ALDH6A1: variants seen among roughly 807,000 people sequenced by gnomAD.
The protein encoded by ALDH6A1 is aldehyde dehydrogenase 6 family member A1.
In ALDH6A1, 43 loss-of-function variants were observed where a neutral mutation model predicts 62.6. That is an observed-to-expected ratio of 0.69 (90% CI 0.54 to 0.89). The LOEUF (loss-of-function observed/expected upper bound fraction) is 0.89, where lower values mean the gene tolerates loss of function less well. Among genes scored for constraint, ALDH6A1 ranks in the 40% least tolerant of loss-of-function variants. ALDH6A1 has a pLI of 0.00. For missense variants in ALDH6A1, 551 were observed against 661.3 expected (o/e 0.83, Z 1.83); for synonymous variants, 194 against 234.2 (o/e 0.83, Z 1.57).
intron 2 of ALDH6A1, 41 bp downstream of exon 2, chr14:74,074,914 A>C: frequency 6.3e-7 from 1 of 1,589,892 alleles, no homozygotes; most frequent in Non-Finnish European, 8.6e-7. Flanking sequence ...ACTATACTGA[A>C]TTCCTTCTCA....
At chr14:74,064,383 A>T (rs1465860785) in intron 11 of ALDH6A1, among the ~76,000 whole-genome samples, 1 of 152,162 alleles carries the variant, frequency 6.6e-6, no homozygotes, top group Non-Finnish European at 1.5e-5. Flanking sequence ...TAAATGAATA[A>T]CTATTACAGA....
At chr14:74,084,300 G>A in intron 1 of ALDH6A1, 47 bp downstream of exon 1, 1 of 1,613,152 alleles carries the variant, frequency 6.2e-7, no homozygotes, top group Non-Finnish European at 8.5e-7. Flanking sequence ...CGGACGGAAA[G>A]GATCCAATTC....
At chr14:74,074,681 A>C (rs1026897879) in intron 2 of ALDH6A1, among the ~76,000 whole-genome samples, 1 of 152,196 alleles carries the variant, frequency 6.6e-6, no homozygotes, top group Admixed American at 6.6e-5. Flanking sequence ...AGATGCTGGA[A>C]GTGGTTGACA....
At chr14:74,074,532 G>A (rs1388804607) in intron 2 of ALDH6A1, among the ~76,000 whole-genome samples, 1 of 152,066 alleles carries the variant, frequency 6.6e-6, no homozygotes, top group Non-Finnish European at 1.5e-5. Flanking sequence ...TGATCCACCT[G>A]CCTCAGCCTC....
chr14:74,072,253 T>C lies in ALDH6A1; in HGVS notation c.298A>G (p.Ser100Gly), dbSNP rs779765203. ...FPAWADTSVLSRQQVLLRYQQ... is the reference protein window; with the variant it reads ...FPAWADTSVLGRQQVLLRYQQ... ...TAGCGGAGCAAGACCTGCTGGCGGCTTAATACTGAAGTGTCTGCCCATGCA... is the reference window on the plus strand; with the variant it reads ...TAGCGGAGCAAGACCTGCTGGCGGCCTAATACTGAAGTGTCTGCCCATGCA... The change falls in exon 4 of 12, where the codon AGC becomes GGC. Residue 100 changes from serine to glycine, a missense_variant. Transcript: ENST00000553458. 2 of 1,614,118 alleles carry C rather than the reference T, an allele frequency of 1.2e-6. No individual in the cohort carries two copies. Among genetic ancestry groups the C allele is most frequent in the African/African-American group, 2.7e-5 (2 of 74,938 alleles).
intron 6 of ALDH6A1, among the ~76,000 whole-genome samples, chr14:74,070,529 A>C (rs2060535122): frequency 6.6e-6 from 1 of 152,194 alleles, no homozygotes; most frequent in Non-Finnish European, 1.5e-5. Flanking sequence ...AAAAAAAAGA[A>C]TAACAATATT....
At chr14:74,069,951 A>G (rs1168952024) in intron 6 of ALDH6A1, among the ~76,000 whole-genome samples, 1 of 149,322 alleles carries the variant, frequency 6.7e-6, no homozygotes, top group Non-Finnish European at 1.5e-5. Flanking sequence ...TGCCAGGCTC[A>G]AGCTGTCTTC....
chr14:74,067,308 G>A (rs2060482252), intron 8 of ALDH6A1, 72 bp downstream of exon 8: 11 of 1,547,772 alleles, frequency 7.1e-6, no homozygotes, highest in Non-Finnish European at 9.8e-6. Flanking sequence ...ACTGGCCAAG[G>A]CCAGTGACAG....
Position 74,066,862 on chromosome 14 carries a change from C to T in ALDH6A1, c.1067G>A (p.Gly356Asp), listed in dbSNP as rs755705622. The T allele has an allele frequency of 1.2e-6, 2 of 1,613,830 alleles. No homozygotes were observed. The highest frequency in any genetic ancestry group is 2.7e-5 in the African/African-American group (2 of 74,870). ...NAGDQPGADLGPLITPQAKER... is the reference protein window; with the variant it reads ...NAGDQPGADLDPLITPQAKER... ...TTTGGCCTGGGGAGTGATCAGAGGG[C>T]CAAGATCAGCTCCAGGCTGATCTCC... Residue 356 changes from glycine (G) to aspartate (D), a missense_variant, in exon 9 of 12, where the codon GGC becomes GAC. Transcript: ENST00000553458.
At position 74,084,406 on chromosome 14, in the gene ALDH6A1, G is replaced by T. The variant is rs1192467223; in HGVS notation, c.-12C>A. On this transcript the variant is annotated 5_prime_UTR_variant, in exon 1 of 12. Coordinates refer to ENST00000553458, the MANE Select transcript of ALDH6A1 (RefSeq NM_005589.4). ...AATAGCGCCGCCATGGCTCTCGGCC[G>T]CCCTAGCTCCGCACCCCGCGCCTCT... 1.9e-6 allele frequency: 3 copies of T among 1,612,720 alleles called. No individual in the cohort carries two copies. In the South Asian group the frequency reaches 3.3e-5, roughly 18 times the overall value.
rs773289178 is a variant in ALDH6A1 at position 74,056,996 on chromosome 14, C to A, written c.*3646G>T. The A allele has an allele frequency of 3.8e-5, 61 of 1,606,410 alleles. No individual in the cohort carries two copies. In the Admixed American group the frequency reaches 1.0e-3, roughly 27 times the overall value. ...AGGAATTTGGGTAAGAGCTCTCTTG[C>A]TTAAGTAATAAACATGAGCCCAACA... On this transcript the variant is annotated 3_prime_UTR_variant, in exon 12 of 12. Transcript: ENST00000553458.
At chr14:74,084,221 C>G in intron 1 of ALDH6A1, 126 bp downstream of exon 1, 1 of 1,399,028 alleles carries the variant, frequency 7.1e-7, no homozygotes, top group Non-Finnish European at 9.9e-7. Flanking sequence ...CCGCACAGGT[C>G]GGGTAGGAGG....
rs754268587 is a variant in ALDH6A1 at position 74,057,426 on chromosome 14, G to A, written c.*3216C>T. 132 of 1,511,502 alleles carry A rather than the reference G, an allele frequency of 8.7e-5. No homozygotes were observed. Among genetic ancestry groups the A allele is most frequent in the Non-Finnish European group, 1.1e-4 (123 of 1,133,084 alleles). The allele number at this position is 1,511,502 out of a possible 1,614,324, so 93.6% of individuals were successfully genotyped here. On this transcript the variant is annotated 3_prime_UTR_variant, in exon 12 of 12. Transcript: ENST00000553458. Reference sequence around the variant, plus strand: ...TACATAAATTTTTAAAGCAATATCCGTACAAATGCATATTATACTAATGCA... The same window carrying A: ...TACATAAATTTTTAAAGCAATATCCATACAAATGCATATTATACTAATGCA...
intron 1 of ALDH6A1, among the ~76,000 whole-genome samples, chr14:74,080,050 AC>A (rs111560520): frequency 3.4e-5 from 5 of 145,850 alleles, no homozygotes; most frequent in Non-Finnish European, 7.4e-5. Flanking sequence ...AAAAACAAAA[AC>A]CAAAAAACAA....
At chr14:74,068,816 CAT>C in intron 7 of ALDH6A1, 42 bp downstream of exon 7, 4 of 1,609,358 alleles carry the variant, frequency 2.5e-6, no homozygotes, top group Non-Finnish European at 3.4e-6. Context: ...AGGTAATTTT[CAT>C]ATATAGAACA....
Position 74,072,490 on chromosome 14 carries a change from T to C in ALDH6A1, c.186+47A>G, listed in dbSNP as rs1243676675. 2.5e-6 allele frequency: 4 copies of C among 1,613,598 alleles called. No individual in the cohort carries two copies. The Admixed American group carries it at 5.0e-5, about 20-fold the overall frequency. On this transcript the variant is annotated intron_variant, in intron 3 of 11. Coordinates refer to ENST00000553458, the MANE Select transcript of ALDH6A1 (RefSeq NM_005589.4). ...GGTCCCTTCTTGCCCATCATGTCCC[T>C]AGAATTCTAGGCTCATAAGTTGAAG...
Position 74,057,273 on chromosome 14 carries a change from T to G in ALDH6A1, c.*3369A>C, listed in dbSNP as rs752973452. The stretch of plus-strand genomic sequence containing the variant: ...AGTCTGACACAGTAAGGAGTCTGTA[T>G]CTAATCAAACAATGTATATTGTTGT... On this transcript the variant is annotated 3_prime_UTR_variant, in exon 12 of 12. Transcript: ENST00000553458. 9.9e-6 allele frequency: 16 copies of G among 1,614,098 alleles called. No homozygotes were observed. The highest frequency in any genetic ancestry group is 1.3e-5 in the Non-Finnish European group (15 of 1,179,986).
At chr14:74,082,939 G>A (rs1432540109) in intron 1 of ALDH6A1, 2 of 152,166 alleles carry the variant, frequency 1.3e-5, no homozygotes, top group African/African-American at 4.8e-5. Flanking sequence ...GGGAGGGGAA[G>A]AGGAGGCAAA....
rs761987609 is a variant in ALDH6A1 at position 74,060,535 on chromosome 14, A to C, written c.*107T>G. ...AGTCCTGAGGAAGATTTTAGTTACA[A>C]TGTATTCCAATCCCATCGATCTGAT... On this transcript the variant is annotated 3_prime_UTR_variant, in exon 12 of 12. Coordinates refer to ENST00000553458, the MANE Select transcript of ALDH6A1 (RefSeq NM_005589.4). 2.4e-5 allele frequency: 21 copies of C among 865,512 alleles called. No individual in the cohort carries two copies. The highest frequency in any genetic ancestry group is 4.1e-5 in the Non-Finnish European group (21 of 506,238). 53.6% of individuals were successfully genotyped at this position (865,512 alleles called of 1,614,324 possible).
Sources: gnomAD v4.1 joint callset for allele counts (sites outside exome capture counted in the v4.1 genomes callset) on GRCh38, gnomAD v4.1.1 for gene constraint, MANE v1.5 for transcripts, NCBI Gene and HGNC (gene_info 2026-07-23, HGNC 2026-07-21) for gene names.